Variants in ZMAT4 observed in about 807,000 individuals in gnomAD.
The protein encoded by ZMAT4 is zinc finger matrin-type 4.
Under a neutral mutation model 28.7 loss-of-function variants are expected in ZMAT4, and 17 were observed. The observed-to-expected ratio is 0.59, with a 90% CI of 0.41 to 0.89. ZMAT4 has a LOEUF of 0.89. Among genes scored for constraint, ZMAT4 ranks in the 40% least tolerant of loss-of-function variants. ZMAT4 has a pLI of 0.00. For missense variants in ZMAT4, 240 were observed against 283.8 expected, an observed-to-expected ratio of 0.85 and a Z score of 1.11; for synonymous variants, 117 against 109.2, an observed-to-expected ratio of 1.07 and a Z score of -0.44.
chr8:40,557,910 A>G (rs1156610090), intron 6 of ZMAT4, among the ~76,000 whole-genome samples: 1 of 152,208 alleles, frequency 6.6e-6, no homozygotes, highest in African/African-American at 2.4e-5. Context: ...AAAGATGGGA[A>G]TATAATGGGG....
intron 1 of ZMAT4, among the ~76,000 whole-genome samples, chr8:40,854,547 A>G (rs1563529028): frequency 6.6e-6 from 1 of 152,228 alleles, no homozygotes; most frequent in African/African-American, 2.4e-5. Flanking sequence ...AGTCCAATGC[A>G]TCAGGCAGAA....
At chr8:40,647,713 A>G (rs1293184317) in intron 5 of ZMAT4, among the ~76,000 whole-genome samples, 1 of 152,170 alleles carries the variant, frequency 6.6e-6, no homozygotes. Flanking sequence ...TTCTCCCAGC[A>G]CGCAGCTGGA....
At chr8:40,615,782 T>A (rs570490192) in intron 5 of ZMAT4, among the ~76,000 whole-genome samples, 7 of 152,350 alleles carry the variant, frequency 4.6e-5, no homozygotes, top group South Asian at 2.1e-4. Context: ...CTCCATCAGG[T>A]CATTTAAGGA....
At chr8:40,674,682 A>C in intron 5 of ZMAT4, 22 bp downstream of exon 5, 1 of 1,597,132 alleles carries the variant, frequency 6.3e-7, no homozygotes, top group South Asian at 1.1e-5. Context: ...TTTGTGGCAG[A>C]AGTGAGAAGA....
At chr8:40,727,602 G>T (rs1367614406) in intron 3 of ZMAT4, among the ~76,000 whole-genome samples, 2 of 152,214 alleles carry the variant, frequency 1.3e-5, no homozygotes, top group Non-Finnish European at 2.9e-5. Flanking sequence ...AGGCAGCCAA[G>T]AATGTCTACT....
chr8:40,615,173 CT>C (rs1367413421), intron 5 of ZMAT4, among the ~76,000 whole-genome samples: 1 of 151,994 alleles, frequency 6.6e-6, no homozygotes, highest in Admixed American at 6.6e-5. Context: ...TTTATTTCTC[CT>C]TCACTTATGA....
intron 5 of ZMAT4, among the ~76,000 whole-genome samples, chr8:40,638,613 C>A (rs1291392770): frequency 6.6e-6 from 1 of 152,190 alleles, no homozygotes. Flanking sequence ...GACTCTGAGG[C>A]TGGAAAAGGA....
intron 1 of ZMAT4, among the ~76,000 whole-genome samples, chr8:40,869,210 T>C (rs1817770751): frequency 6.6e-6 from 1 of 152,222 alleles, no homozygotes; most frequent in Admixed American, 6.5e-5. Context: ...ACAACCTTCA[T>C]CTTCATCAAG....
At chr8:40,649,540 C>T (rs1176207260) in intron 5 of ZMAT4, among the ~76,000 whole-genome samples, 1 of 152,020 alleles carries the variant, frequency 6.6e-6, no homozygotes, top group Non-Finnish European at 1.5e-5. Flanking sequence ...AACAAGGATA[C>T]CGAGGAATTG....
chr8:40,789,871 G>A (rs1199582378), intron 2 of ZMAT4, among the ~76,000 whole-genome samples: 1 of 152,140 alleles, frequency 6.6e-6, no homozygotes, highest in Admixed American at 6.5e-5. Flanking sequence ...GCACAGAACA[G>A]CCAGAATATA....
intron 1 of ZMAT4, among the ~76,000 whole-genome samples, chr8:40,888,058 A>G (rs1818533064): frequency 6.6e-6 from 1 of 152,064 alleles, no homozygotes; most frequent in Non-Finnish European, 1.5e-5. Context: ...GTTCACCCTC[A>G]GCACTATCCA....
At chr8:40,774,090 C>T (rs953853005) in intron 2 of ZMAT4, among the ~76,000 whole-genome samples, 5 of 151,914 alleles carry the variant, frequency 3.3e-5, no homozygotes, top group Non-Finnish European at 7.4e-5. Flanking sequence ...ATTTGAAATA[C>T]GTATGTGTAA....
intron 1 of ZMAT4, among the ~76,000 whole-genome samples, chr8:40,862,500 G>T (rs1350772604): frequency 2.8e-5 from 4 of 143,374 alleles, no homozygotes; most frequent in East Asian, 2.2e-4. Context: ...CAGCACACCA[G>T]CATGGCACAT....
At chr8:40,782,072 T>C (rs184724174) in intron 2 of ZMAT4, among the ~76,000 whole-genome samples, 1 of 152,192 alleles carries the variant, frequency 6.6e-6, no homozygotes, top group East Asian at 1.9e-4. Flanking sequence ...AATAAATAAA[T>C]TGGATGTCAT....
intron 5 of ZMAT4, among the ~76,000 whole-genome samples, chr8:40,646,998 T>C (rs148354516): frequency 1.3e-4 from 20 of 152,302 alleles, no homozygotes; most frequent in African/African-American, 4.3e-4. Context: ...ATCAGATAAG[T>C]ATATTCTTTA....
chr8:40,836,323 T>A (rs936665425), intron 1 of ZMAT4, among the ~76,000 whole-genome samples: 3 of 152,100 alleles, frequency 2.0e-5, no homozygotes, highest in African/African-American at 7.2e-5. Context: ...ATACAGGAAT[T>A]TGTATACATT....
Position 40,672,480 on chromosome 8 carries a change from TC to T in ZMAT4, c.577+2223del, listed in dbSNP as rs1413096893. On this transcript the variant is annotated intron_variant, in intron 5 of 6. Coordinates refer to ENST00000297737, the MANE Select transcript of ZMAT4 (RefSeq NM_024645.3). ...ACATTGTGCTCAATGCTAATCGCAT[TC>T]CATGGGCTACTGAGTCACAGTCACA... is the stretch of plus-strand genomic sequence containing the variant. Among the ~76,000 whole-genome samples the T allele has an allele frequency of 5.3e-5, 8 of 152,310 alleles. No individual in the cohort carries two copies. In the East Asian group the frequency reaches 1.5e-3, roughly 29 times the overall value.
In ZMAT4 at chr8:40,702,892, C is replaced by T. The variant is rs529116243; in HGVS notation, c.193-5491G>A. On this transcript the variant is annotated intron_variant, in intron 3 of 6. Transcript: ENST00000297737. The stretch of plus-strand genomic sequence containing the variant: ...CACTCCAGAAAATGCTAAAGAAACA[C>T]GCATAGAGAGTAATGGAGCGATGGA... Among the ~76,000 whole-genome samples the T allele has an allele frequency of 1.3e-4, 20 of 152,232 alleles. No homozygotes were observed. In the South Asian group the frequency reaches 2.5e-3, roughly 19 times the overall value.
At position 40,675,602 on chromosome 8, in the gene ZMAT4, A is replaced by T. The variant is rs115838411; in HGVS notation, c.350-671T>A. Among the ~76,000 whole-genome samples the T allele has an allele frequency of 4.9e-3, 748 of 152,328 alleles. 5 individuals are homozygous for T. The highest frequency in any genetic ancestry group is 0.01 in the African/African-American group (425 of 41,588). On this transcript the variant is annotated intron_variant, in intron 4 of 6. Transcript: ENST00000297737. The stretch of plus-strand genomic sequence containing the variant: ...AATAAAGCTAATACTTGAAGTAAAC[A>T]TTGGACAGTCATGACTTAAAAGATT...
Sources: gnomAD v4.1 joint callset for allele counts (sites outside exome capture counted in the v4.1 genomes callset) on GRCh38, gnomAD v4.1.1 for gene constraint, MANE v1.5 for transcripts, NCBI Gene and HGNC (gene_info 2026-07-23, HGNC 2026-07-21) for gene names.